Variants in IMMP2L observed in about 807,000 individuals in gnomAD.
The protein encoded by IMMP2L is inner mitochondrial membrane peptidase subunit 2, also known as mitochondrial inner membrane protease subunit 2.
In IMMP2L, 18 loss-of-function variants were observed where a neutral mutation model predicts 19.3. The ratio of observed to expected loss-of-function variants is 0.93; its 90% CI spans 0.64 to 1.38. The LOEUF (loss-of-function observed/expected upper bound fraction) is 1.38, where lower values mean the gene tolerates loss of function less well. IMMP2L is among the 40% of genes most tolerant of loss of function. The pLI is 0.00. For missense variants in IMMP2L, 233 were observed against 218.2 expected (o/e 1.07, Z -0.43); for synonymous variants, 76 against 73.0 (o/e 1.04, Z -0.21).
chr7:111,533,428 C>T (rs1036478597), intron 1 of IMMP2L, among the ~76,000 whole-genome samples: 2 of 152,064 alleles, frequency 1.3e-5, no homozygotes, highest in African/African-American at 2.4e-5. Flanking sequence ...AAAGCTGACC[C>T]GCTCCTAAAT....
At chr7:110,690,732 G>A (rs954002599) in intron 5 of IMMP2L, among the ~76,000 whole-genome samples, 1 of 151,494 alleles carries the variant, frequency 6.6e-6, no homozygotes, top group South Asian at 2.1e-4. Context: ...ACCAATAAAC[G>A]AATTTTAAAA....
intron 3 of IMMP2L, among the ~76,000 whole-genome samples, chr7:111,192,462 G>C (rs912698907): frequency 7.9e-5 from 12 of 152,098 alleles, no homozygotes; most frequent in Admixed American, 6.5e-4. Context: ...CAAACGGCCA[G>C]CAATCATAAC....
intron 3 of IMMP2L, among the ~76,000 whole-genome samples, chr7:111,228,151 C>T (rs916858028): frequency 2.0e-5 from 3 of 151,976 alleles, no homozygotes. Flanking sequence ...ATGTTTAAAA[C>T]AAACATTTCT....
At chr7:111,331,745 A>G (rs1185560139) in intron 3 of IMMP2L, among the ~76,000 whole-genome samples, 2 of 151,882 alleles carry the variant, frequency 1.3e-5, no homozygotes, top group Non-Finnish European at 2.9e-5. Context: ...ATGGGGCAGC[A>G]TTTCCATAAG....
At chr7:110,862,622 G>T (rs1490156604) in intron 5 of IMMP2L, among the ~76,000 whole-genome samples, 1 of 151,544 alleles carries the variant, frequency 6.6e-6, no homozygotes, top group Non-Finnish European at 1.5e-5. Flanking sequence ...TGGGATTATA[G>T]GTGTGAGCCA....
chr7:110,993,885 G>A (rs1380939985), intron 3 of IMMP2L, among the ~76,000 whole-genome samples: 1 of 152,052 alleles, frequency 6.6e-6, no homozygotes, highest in Non-Finnish European at 1.5e-5. Flanking sequence ...TGCAGAGTGA[G>A]GTTCACTTCT....
At chr7:110,679,796 AC>A (rs1393248280) in intron 5 of IMMP2L, among the ~76,000 whole-genome samples, 1 of 152,168 alleles carries the variant, frequency 6.6e-6, no homozygotes, top group Non-Finnish European at 1.5e-5. Flanking sequence ...AAAATAAACA[AC>A]CAGAAATGAA....
Position 111,416,003 on chromosome 7 carries a change from T to C in IMMP2L, c.239+71235A>G, listed in dbSNP as rs1272356130. ...TTTTCCTTAATTGTACACTTTAAAA[T>C]GGTTCATAATATTATGTGAACTTCA... On this transcript the variant is annotated intron_variant, in intron 3 of 5. Transcript: ENST00000405709. Among the ~76,000 whole-genome samples, 3 of 151,864 alleles carry C rather than the reference T, an allele frequency of 2.0e-5. No individual in the cohort carries two copies. In the East Asian group the frequency reaches 5.8e-4, roughly 29 times the overall value.
intron 3 of IMMP2L, among the ~76,000 whole-genome samples, chr7:110,975,975 T>A (rs1263944140): frequency 6.6e-6 from 1 of 152,046 alleles, no homozygotes; most frequent in Non-Finnish European, 1.5e-5. Flanking sequence ...GAAAATGGAT[T>A]TTTTTTAACG....
intron 4 of IMMP2L, among the ~76,000 whole-genome samples, chr7:110,934,730 T>C (rs1216740916): frequency 6.6e-6 from 1 of 152,234 alleles, no homozygotes; most frequent in Non-Finnish European, 1.5e-5. Flanking sequence ...CTTATTGCAT[T>C]GATCCCTTTA....
chr7:110,674,441 G>A (rs1639350063), intron 5 of IMMP2L, among the ~76,000 whole-genome samples: 1 of 152,144 alleles, frequency 6.6e-6, no homozygotes, highest in African/African-American at 2.4e-5. Flanking sequence ...GAGGAATGAG[G>A]TGAAGCACAA....
chr7:111,199,829 C>T (rs888217888), intron 3 of IMMP2L, among the ~76,000 whole-genome samples: 38 of 152,192 alleles, frequency 2.5e-4, no homozygotes, highest in African/African-American at 8.4e-4. Context: ...AAGTATGCTG[C>T]TAGACATAAA....
intron 2 of IMMP2L, among the ~76,000 whole-genome samples, chr7:111,501,577 G>T (rs1489736541): frequency 2.6e-5 from 4 of 152,120 alleles, no homozygotes; most frequent in Non-Finnish European, 2.9e-5. Context: ...CAGAGAGAAA[G>T]GTCGGGTTAC....
chr7:111,019,487 G>C (rs566832725), intron 3 of IMMP2L, among the ~76,000 whole-genome samples: 1 of 152,264 alleles, frequency 6.6e-6, no homozygotes, highest in African/African-American at 2.4e-5. Flanking sequence ...AGGTGCCCAG[G>C]AAGCAGACAG....
intron 3 of IMMP2L, among the ~76,000 whole-genome samples, chr7:111,422,629 G>C (rs998440173): frequency 4.6e-5 from 7 of 151,914 alleles, no homozygotes; most frequent in Non-Finnish European, 8.8e-5. Flanking sequence ...TGAGACGATA[G>C]TCTTTTCTAC....
chr7:111,269,476 T>C (rs895887021), intron 3 of IMMP2L, among the ~76,000 whole-genome samples: 8 of 152,172 alleles, frequency 5.3e-5, no homozygotes, highest in African/African-American at 9.7e-5. Context: ...GTTTGCTATA[T>C]ACTATGGACT....
At chr7:110,780,857 G>A (rs902808415) in intron 5 of IMMP2L, among the ~76,000 whole-genome samples, 1 of 151,778 alleles carries the variant, frequency 6.6e-6, no homozygotes, top group Non-Finnish European at 1.5e-5. Context: ...GCTTCAGAGT[G>A]CCTGTCTCAT....
At chr7:111,223,974 C>A (rs553844905) in intron 3 of IMMP2L, among the ~76,000 whole-genome samples, 1 of 152,108 alleles carries the variant, frequency 6.6e-6, no homozygotes, top group South Asian at 2.1e-4. Context: ...ATATGGAATG[C>A]CTTTTAAATT....
At chr7:110,872,356 G>A (rs1209938328) in intron 5 of IMMP2L, among the ~76,000 whole-genome samples, 1 of 152,022 alleles carries the variant, frequency 6.6e-6, no homozygotes, top group African/African-American at 2.4e-5. Flanking sequence ...TAATGCCTTT[G>A]AATTCTTTCT....
Sources: allele counts gnomAD v4.1 joint callset (sites outside exome capture counted in the v4.1 genomes callset), GRCh38; gene constraint gnomAD v4.1.1; transcripts MANE v1.5; gene names NCBI Gene and HGNC (gene_info 2026-07-23, HGNC 2026-07-21).